ATP8A1: variants seen among roughly 807,000 people sequenced by gnomAD.
ATP8A1 encodes the protein ATPase phospholipid transporting 8A1, also known as phospholipid-transporting ATPase IA.
In ATP8A1, 90 loss-of-function variants were observed where a neutral mutation model predicts 177.7. The observed-to-expected ratio is 0.51, with a 90% CI of 0.43 to 0.60. The LOEUF is 0.60. ATP8A1 is among the 20% of genes least tolerant of loss of function. ATP8A1 has a pLI of 0.00. For missense variants in ATP8A1, 1,072 were observed against 1,392.8 expected (o/e 0.77, Z 3.67); for synonymous variants, 493 against 485.9 (o/e 1.01, Z -0.19).
At chr4:42,572,959 G>A (rs999225966) in intron 14 of ATP8A1, among the ~76,000 whole-genome samples, 1 of 152,144 alleles carries the variant, frequency 6.6e-6, no homozygotes, top group South Asian at 2.1e-4. Context: ...TAATCTCAAT[G>A]ATGACAATAC....
intron 30 of ATP8A1, among the ~76,000 whole-genome samples, chr4:42,447,583 A>T (rs1005177735): frequency 6.6e-6 from 1 of 152,226 alleles, no homozygotes; most frequent in African/African-American, 2.4e-5. Flanking sequence ...TGAATAATTA[A>T]ATCATTGATA....
At chr4:42,466,836 C>A (rs1264213014) in intron 25 of ATP8A1, among the ~76,000 whole-genome samples, 1 of 152,168 alleles carries the variant, frequency 6.6e-6, no homozygotes, top group Non-Finnish European at 1.5e-5. Flanking sequence ...ACTGGTAAGT[C>A]CACTGGCTGT....
intron 24 of ATP8A1, among the ~76,000 whole-genome samples, chr4:42,488,463 C>T (rs1217079073): frequency 6.6e-6 from 1 of 152,092 alleles, no homozygotes; most frequent in Admixed American, 6.5e-5. Context: ...ATGGAATGCC[C>T]ACACCAGTCC....
chr4:42,503,344 C>T (rs972518647), intron 24 of ATP8A1, 106 bp downstream of exon 24: 2 of 654,876 alleles, frequency 3.1e-6, no homozygotes, highest in African/African-American at 3.7e-5. Flanking sequence ...TGATAAGGTA[C>T]CTTGAACCAC....
intron 36 of ATP8A1, 96 bp from the exon 37 acceptor site, chr4:42,413,109 A>G: frequency 2.2e-6 from 2 of 915,284 alleles, no homozygotes; most frequent in Non-Finnish European, 3.4e-6. Context: ...TGGGGAACAA[A>G]TGCAGCCTTC....
intron 27 of ATP8A1, among the ~76,000 whole-genome samples, chr4:42,456,799 A>C (rs1162568735): frequency 6.6e-6 from 1 of 152,162 alleles, no homozygotes; most frequent in Non-Finnish European, 1.5e-5. Flanking sequence ...GCTCAACTGA[A>C]TTTTTGAATC....
chr4:42,531,109 A>C (rs1578115345), intron 20 of ATP8A1, among the ~76,000 whole-genome samples: 1 of 152,196 alleles, frequency 6.6e-6, no homozygotes, highest in African/African-American at 2.4e-5. Flanking sequence ...ACCAAGATGA[A>C]ATCAGTCTAC....
chr4:42,483,846 G>C (rs1003897004), intron 25 of ATP8A1, among the ~76,000 whole-genome samples: 1 of 152,178 alleles, frequency 6.6e-6, no homozygotes, highest in African/African-American at 2.4e-5. Flanking sequence ...TAGAAAGAAA[G>C]ATACATGAAG....
intron 30 of ATP8A1, among the ~76,000 whole-genome samples, chr4:42,449,842 A>G (rs139373739): frequency 7.8e-4 from 119 of 152,280 alleles, no homozygotes; most frequent in African/African-American, 2.6e-3. Context: ...TGGAAGATGA[A>G]GTCACTTGGG....
chr4:42,450,146 G>A (rs1365929733), intron 30 of ATP8A1, among the ~76,000 whole-genome samples: 1 of 152,176 alleles, frequency 6.6e-6, no homozygotes, highest in Non-Finnish European at 1.5e-5. Context: ...ATTAAAAAAT[G>A]TGGCATATCT....
chr4:42,577,970 A>T (rs1339123807), intron 12 of ATP8A1, among the ~76,000 whole-genome samples: 1 of 152,138 alleles, frequency 6.6e-6, no homozygotes, highest in African/African-American at 2.4e-5. Flanking sequence ...CACCTAGTAA[A>T]TTATAATACT....
intron 24 of ATP8A1, among the ~76,000 whole-genome samples, chr4:42,496,729 TATATAG>T (rs1428085308): frequency 3.3e-5 from 5 of 152,168 alleles, no homozygotes; most frequent in Admixed American, 3.3e-4. Context: ...TCCATTATTT[TATATAG>T]ATATATACAC....
chr4:42,508,813 G>T (rs35395122), intron 22 of ATP8A1, among the ~76,000 whole-genome samples: 15,026 of 152,182 alleles, frequency 0.099, 931 homozygotes, highest in Admixed American at 0.16. Flanking sequence ...GGGCAGAATG[G>T]ATGCAAGGGA....
chr4:42,441,523 CATTTTTTGGGACTTATTAGCCTA>C (rs940839890), intron 33 of ATP8A1, among the ~76,000 whole-genome samples: 5 of 152,212 alleles, frequency 3.3e-5, no homozygotes, highest in African/African-American at 9.6e-5. Flanking sequence ...ACAGCTACAA[CATTTTTTGGGACTTATTAGCCTA>C]ATGCCCAAGA....
chr4:42,551,440 T>A lies in ATP8A1; in HGVS notation c.1520-160A>T, dbSNP rs944998579. 2.6e-5 allele frequency among the ~76,000 whole-genome samples: 4 copies of A among 152,200 alleles called. No homozygotes were observed. The East Asian group carries it at 7.7e-4, about 29-fold the overall frequency. On this transcript the variant is annotated intron_variant, in intron 17 of 36. Coordinates refer to ENST00000381668, the MANE Select transcript of ATP8A1 (RefSeq NM_006095.2). ...AATTATTTTAAAATTACATGACAAT[T>A]CCAAAGAAATGAGGATAATAATCTT...
intron 6 of ATP8A1, among the ~76,000 whole-genome samples, chr4:42,595,858 T>C (rs190199803): frequency 1.4e-4 from 22 of 152,356 alleles, no homozygotes; most frequent in Admixed American, 1.3e-3. Flanking sequence ...TTACTCATTG[T>C]AAGACAAAAG....
At chr4:42,594,575 C>G (rs1010465711) in intron 6 of ATP8A1, among the ~76,000 whole-genome samples, 8 of 152,016 alleles carry the variant, frequency 5.3e-5, no homozygotes, top group Non-Finnish European at 1.0e-4. Context: ...GGATATATAA[C>G]TTATCTTGAT....
chr4:42,602,106 T>C (rs1430169153), intron 5 of ATP8A1, among the ~76,000 whole-genome samples: 1 of 152,162 alleles, frequency 6.6e-6, no homozygotes, highest in Non-Finnish European at 1.5e-5. Flanking sequence ...ATCAACTTCA[T>C]TAATTTAAAA....
At chr4:42,552,141 G>A (rs981551686) in intron 17 of ATP8A1, among the ~76,000 whole-genome samples, 69 of 152,204 alleles carry the variant, frequency 4.5e-4, no homozygotes, top group African/African-American at 1.6e-3. Flanking sequence ...ATATTCAGGC[G>A]AACACTTCTT....
Sources: gnomAD v4.1 joint callset for allele counts (sites outside exome capture counted in the v4.1 genomes callset) on GRCh38, gnomAD v4.1.1 for gene constraint, MANE v1.5 for transcripts, NCBI Gene and HGNC (gene_info 2026-07-23, HGNC 2026-07-21) for gene names.